Variants in KCTD2 observed in about 807,000 individuals in gnomAD.
KCTD2 encodes the protein BTB/POZ domain-containing protein KCTD2.
Under a neutral mutation model 27.9 loss-of-function variants are expected in KCTD2, and 18 were observed. That is an observed-to-expected ratio of 0.64 (90% confidence interval 0.45 to 0.96). The LOEUF is 0.96. Among genes scored for constraint, KCTD2 ranks in the 40% least tolerant of loss-of-function variants. KCTD2 has a pLI of 0.00. For synonymous variants in KCTD2, 175 were observed against 148.4 expected (o/e 1.18, Z -1.30); for missense variants, 280 against 348.0 (o/e 0.80, Z 1.56).
At chr17:75,034,128 G>T (rs2040091038) in intron 2 of KCTD2, 1 of 152,346 alleles carries the variant, frequency 6.6e-6, no homozygotes, top group South Asian at 2.1e-4. Context: ...GTAAGCTCGG[G>T]TCTTGCCAAG....
At chr17:75,059,712 G>T in intron 4 of KCTD2, 107 bp downstream of exon 4, 1 of 814,046 alleles carries the variant, frequency 1.2e-6, no homozygotes, top group Non-Finnish European at 2.0e-6. Flanking sequence ...GACGGCTACG[G>T]CCAGGTGGGA....
In KCTD2 at chr17:75,064,245, A is replaced by T. The variant is rs536155278; in HGVS notation, c.*1198A>T. ...ACCCTCTTTCGGGCTGCATCCACAG[A>T]GTTTGTGTCCACACTTTCTCTCCGA... On this transcript the variant is annotated 3_prime_UTR_variant, in exon 6 of 6. Transcript: ENST00000322444. 2 of 152,276 alleles carry T rather than the reference A, an allele frequency of 1.3e-5. No individual in the cohort carries two copies. The highest frequency in any genetic ancestry group is 3.9e-4 in the East Asian group (2 of 5,180). 9.4% of individuals were successfully genotyped at this position (152,276 alleles called of 1,614,324 possible). A position where few individuals can be genotyped will look rare whatever the true frequency, so the allele number is the denominator to read the frequency against.
chr17:75,055,860 C>T (rs1042213657), intron 3 of KCTD2, among the ~76,000 whole-genome samples: 1 of 150,902 alleles, frequency 6.6e-6, no homozygotes, highest in East Asian at 1.9e-4. Context: ...GAAAGAAACC[C>T]TGTCTACTAA....
chr17:75,042,410 G>A, upstream of KCTD2: 1 of 1,506,466 alleles, frequency 6.6e-7, no homozygotes, highest in Non-Finnish European at 9.0e-7. Context: ...TCATGAAAAT[G>A]CAAGGATTTC....
At chr17:75,059,093 G>A (rs1221778648) in intron 3 of KCTD2, 3 of 151,788 alleles carry the variant, frequency 2.0e-5, no homozygotes, top group African/African-American at 7.3e-5. Flanking sequence ...GCGAGACTCC[G>A]TCTCAAAAAT....
At chr17:75,035,700 C>A (rs1013391497) in intron 3 of KCTD2, among the ~76,000 whole-genome samples, 1 of 152,106 alleles carries the variant, frequency 6.6e-6, no homozygotes, top group Admixed American at 6.6e-5. Context: ...CGTGGTGGCA[C>A]GCGCCTGTAA....
intron 3 of KCTD2, among the ~76,000 whole-genome samples, chr17:75,057,600 C>T (rs1238748606): frequency 2.0e-5 from 3 of 149,068 alleles, no homozygotes; most frequent in Admixed American, 2.0e-4. Context: ...TACTCTGTCG[C>T]CCAGGCTGGA....
chr17:75,056,914 C>G (rs953179041), intron 3 of KCTD2, among the ~76,000 whole-genome samples: 3 of 151,484 alleles, frequency 2.0e-5, no homozygotes, highest in African/African-American at 7.3e-5. Context: ...GTGGCTGCCA[C>G]CTAACTACTT....
At chr17:75,059,651 T>A in intron 4 of KCTD2, 46 bp downstream of exon 4, 1 of 1,426,408 alleles carries the variant, frequency 7.0e-7, no homozygotes, top group Non-Finnish European at 9.9e-7. Flanking sequence ...GTTCAAGGGG[T>A]CTGCAGCTCT....
intron 3 of KCTD2, among the ~76,000 whole-genome samples, chr17:75,037,283 G>A (rs9891685): frequency 0.2 from 30,282 of 149,844 alleles, 3,852 homozygotes; most frequent in Admixed American, 0.31. Context: ...GGCAAAGGTT[G>A]CAATGAGCAG....
At chr17:75,046,686 G>A (rs962399212), upstream of KCTD2, among the ~76,000 whole-genome samples, 2 of 152,242 alleles carry the variant, frequency 1.3e-5, no homozygotes, top group African/African-American at 4.8e-5. Flanking sequence ...TTGTGGCAGC[G>A]CCTACATCAG....
At chr17:75,060,866 C>G (rs912273202) in intron 4 of KCTD2, among the ~76,000 whole-genome samples, 3 of 152,226 alleles carry the variant, frequency 2.0e-5, no homozygotes, top group African/African-American at 7.2e-5. Context: ...TCTCACAGAT[C>G]AAGTGCAAAG....
upstream of KCTD2, chr17:75,047,190 T>C: frequency 2.2e-6 from 1 of 452,198 alleles, no homozygotes; most frequent in Non-Finnish European, 3.2e-6. Flanking sequence ...CGGCTCTCCC[T>C]GCCGAGAAAT....
upstream of KCTD2, among the ~76,000 whole-genome samples, chr17:75,044,728 T>C (rs757660850): frequency 2.6e-5 from 4 of 152,084 alleles, no homozygotes; most frequent in South Asian, 2.1e-4. Flanking sequence ...AGTCAGAATA[T>C]AGGAAAATAG....
intron 1 of KCTD2, 137 bp downstream of exon 1, chr17:75,047,726 A>C: frequency 1.3e-6 from 1 of 773,946 alleles, no homozygotes; most frequent in Non-Finnish European, 2.0e-6. Flanking sequence ...TCCCTCCCAC[A>C]CTACTCGCAG....
At chr17:75,043,029 A>G (rs2073176505), upstream of KCTD2, among the ~76,000 whole-genome samples, 1 of 150,534 alleles carries the variant, frequency 6.6e-6, no homozygotes, top group Admixed American at 6.6e-5. Flanking sequence ...CGAGACCAGC[A>G]TGGCCAACAT....
Position 75,039,068 on chromosome 17 carries a change from A to G in KCTD2, c.-259+3711A>G, listed in dbSNP as rs201465890. Reference sequence around the variant, plus strand: ...TAAGTTCTTCATCTTCTCCATCTGGAAAGAGGGGGAATGTGTTTAGTTAAT... The same window carrying G: ...TAAGTTCTTCATCTTCTCCATCTGGGAAGAGGGGGAATGTGTTTAGTTAAT... On this transcript the variant is annotated intron_variant, in intron 3 of 7. Transcript: ENST00000581589. 133 of 1,613,864 alleles carry G rather than the reference A, an allele frequency of 8.2e-5. No homozygotes were observed. In the Middle Eastern group the frequency reaches 9.9e-4, roughly 12 times the overall value.
At chr17:75,049,176 ACTC>A (rs1218126443) in intron 1 of KCTD2, 41 bp from the exon 2 acceptor site, 1 of 1,162,280 alleles carries the variant, frequency 8.6e-7, no homozygotes, top group Non-Finnish European at 1.3e-6. Flanking sequence ...TGTTTAAAAT[ACTC>A]CTCAAAGGTC....
rs2073429472 is a variant in KCTD2 at position 75,063,831 on chromosome 17, A to G, written c.*784A>G. 6.6e-6 allele frequency: 1 copy of G among 152,644 alleles called. No homozygotes were observed. 9.5% of individuals were successfully genotyped at this position (152,644 alleles called of 1,614,324 possible). On this transcript the variant is annotated 3_prime_UTR_variant, in exon 6 of 6. Transcript: ENST00000322444. ...AGTCAGACAAGTGGGAGCTGTAGGA[A>G]CTGCACCTGCAGCCTCTTCTTACTC... is the stretch of plus-strand genomic sequence containing the variant.
Sources: allele counts gnomAD v4.1 joint callset (sites outside exome capture counted in the v4.1 genomes callset), GRCh38; gene constraint gnomAD v4.1.1; transcripts MANE v1.5; gene names NCBI Gene and HGNC (gene_info 2026-07-23, HGNC 2026-07-21).